Variants in RFX8 observed in about 807,000 individuals in gnomAD.
The protein encoded by RFX8 is regulatory factor X8.
RFX8 carries 46 observed loss-of-function variants against 54.6 expected under a neutral mutation model. The ratio of observed to expected loss-of-function variants is 0.84; its 90% CI spans 0.67 to 1.08. The LOEUF (loss-of-function observed/expected upper bound fraction) is 1.08, where lower values mean the gene tolerates loss of function less well. Ranked by LOEUF, RFX8 falls within the 50% of genes least tolerant of loss-of-function variation. RFX8 has a pLI of 0.00. For missense variants in RFX8, 536 were observed against 562.3 expected, an observed-to-expected ratio of 0.95 and a Z score of 0.47; for synonymous variants, 192 against 209.5, an observed-to-expected ratio of 0.92 and a Z score of 0.72.
chr2:101,399,583 A>G (rs1161694797), intron 11 of RFX8, among the ~76,000 whole-genome samples: 1 of 152,198 alleles, frequency 6.6e-6, no homozygotes, highest in Admixed American at 6.5e-5. Flanking sequence ...CAGTGTTAAG[A>G]GGAAGTGCTC....
chr2:101,410,688 C>T lies in RFX8; in HGVS notation c.744G>A (p.Leu248=). The T allele has an allele frequency of 6.5e-7, 1 of 1,542,176 alleles. No individual in the cohort carries two copies. ...ATACCCTGAGATCTGTTGATGTTCCCAGCAAAGAAATTAAGTTTCTTAAAC... is the reference window on the plus strand; with the variant it reads ...ATACCCTGAGATCTGTTGATGTTCCTAGCAAAGAAATTAAGTTTCTTAAAC... The part of the protein sequence containing the change: ...MKCLRNLISL[L]GTSTDLRVFL... The change falls in exon 9 of 12, where the codon CTG becomes CTA. Residue 248 remains leucine, a synonymous_variant. Transcript: ENST00000428343.
chr2:101,463,828 A>G (rs1373787137), intron 2 of RFX8, among the ~76,000 whole-genome samples: 1 of 152,192 alleles, frequency 6.6e-6, no homozygotes, highest in Non-Finnish European at 1.5e-5. Context: ...GAAGAAGCCC[A>G]GGCCTAGTTC....
In RFX8 at chr2:101,422,457, G is replaced by A; in HGVS notation, c.88C>T (p.Pro30Ser). The A allele has an allele frequency of 1.3e-6, 2 of 1,543,370 alleles. No individual in the cohort carries two copies. Among genetic ancestry groups the A allele is most frequent in the Non-Finnish European group, 1.8e-6 (2 of 1,139,450 alleles). Residue 30 changes from proline to serine, a missense_variant, in exon 3 of 12, where the codon CCG (proline) becomes TCG (serine). Coordinates refer to ENST00000428343, the MANE Select transcript of RFX8 (RefSeq NM_001145664.2). ...GATCCAACTGGGTCTGTCTTCATCGGTGAATGATCTTCACACTAAAAATCA... is the reference window on the plus strand; with the variant it reads ...GATCCAACTGGGTCTGTCTTCATCGATGAATGATCTTCACACTAAAAATCA... Reference protein sequence around the residue: ...ATFGKCEDHSPMKTDPVGSPL... With the variant: ...ATFGKCEDHSSMKTDPVGSPL...
In RFX8 at chr2:101,399,138, C is replaced by T. The variant is rs368672631; in HGVS notation, c.1246-1414G>A. Among the ~76,000 whole-genome samples, 14 of 152,266 alleles carry T rather than the reference C, an allele frequency of 9.2e-5. No homozygotes were observed. In the East Asian group the frequency reaches 1.5e-3, roughly 17 times the overall value. ...AGAGGGACAGATGGGTATGGCAATC[C>T]GGAATGCTGACTTCAGTTGTTACCG... On this transcript the variant is annotated intron_variant, in intron 11 of 11. Transcript: ENST00000428343.
At chr2:101,452,377 A>C in intron 2 of RFX8, 1 of 1,415,190 alleles carries the variant, frequency 7.1e-7, no homozygotes, top group Non-Finnish European at 9.3e-7. Context: ...CAAAAATTCT[A>C]AACCTACCTG....
rs111803376 is a variant in RFX8, at chr2:101,473,018, CA to C, written c.-53+1617del. On this transcript the variant is annotated intron_variant, in intron 1 of 11. Coordinates refer to ENST00000428343, the MANE Select transcript of RFX8 (RefSeq NM_001145664.2). ...TGGGCAACAGAGCAAGACTCTGTCACAAAAAAAAAAGAGAGAAAAGAAAGAA... is the reference window on the plus strand; with the variant it reads ...TGGGCAACAGAGCAAGACTCTGTCACAAAAAAAAAGAGAGAAAAGAAAGAA... Among the ~76,000 whole-genome samples, 13 of 142,990 alleles carry C rather than the reference CA, an allele frequency of 9.1e-5. 1 individual carries two copies. Among genetic ancestry groups the C allele is most frequent in the South Asian group, 4.4e-4 (2 of 4,512 alleles). The allele number at this position is 142,990 out of a possible 152,430, so 93.8% of individuals were successfully genotyped here. A position where few individuals can be genotyped will look rare whatever the true frequency, so the allele number is the denominator to read the frequency against.
chr2:101,420,958 T>A (rs1263890355), intron 4 of RFX8, among the ~76,000 whole-genome samples: 1 of 152,208 alleles, frequency 6.6e-6, no homozygotes, highest in African/African-American at 2.4e-5. Flanking sequence ...GAATTAAATA[T>A]GTATTTGATG....
At chr2:101,432,777 C>T (rs1687561578) in intron 2 of RFX8, among the ~76,000 whole-genome samples, 2 of 152,238 alleles carry the variant, frequency 1.3e-5, no homozygotes, top group Non-Finnish European at 2.9e-5. Flanking sequence ...GAAGGAAGGG[C>T]TTCCAGTCCA....
chr2:101,463,156 C>T (rs945852744), intron 2 of RFX8, among the ~76,000 whole-genome samples: 6 of 152,320 alleles, frequency 3.9e-5, no homozygotes, highest in East Asian at 3.9e-4. Flanking sequence ...AGATAACATG[C>T]CATAAAGTGA....
chr2:101,430,401 T>G (rs1687422709), intron 2 of RFX8, among the ~76,000 whole-genome samples: 1 of 152,238 alleles, frequency 6.6e-6, no homozygotes, highest in Non-Finnish European at 1.5e-5. Context: ...AAGGAGATAA[T>G]TAAGGTTAAA....
At chr2:101,411,035 C>A (rs1686094559) in intron 8 of RFX8, among the ~76,000 whole-genome samples, 1 of 152,246 alleles carries the variant, frequency 6.6e-6, no homozygotes, top group African/African-American at 2.4e-5. Context: ...ACGATACAGA[C>A]ATGACCTCAC....
chr2:101,469,308 A>G (rs904233496), intron 1 of RFX8, among the ~76,000 whole-genome samples: 7 of 115,848 alleles, frequency 6.0e-5, no homozygotes, highest in Non-Finnish European at 9.7e-5. Flanking sequence ...GCGTGTGACC[A>G]TGTCCAGATA....
chr2:101,432,551 C>T (rs532340471), intron 2 of RFX8, among the ~76,000 whole-genome samples: 10 of 152,298 alleles, frequency 6.6e-5, no homozygotes, highest in East Asian at 5.8e-4. Flanking sequence ...AGCGTGAGGC[C>T]GGAGCAGGCC....
At chr2:101,429,194 A>T (rs1423227903) in intron 2 of RFX8, among the ~76,000 whole-genome samples, 1 of 152,236 alleles carries the variant, frequency 6.6e-6, no homozygotes, top group Admixed American at 6.5e-5. Context: ...GGCTTTAAAA[A>T]ATTCATTTCT....
intron 2 of RFX8, among the ~76,000 whole-genome samples, chr2:101,466,197 C>T (rs887072135): frequency 2.0e-5 from 3 of 151,412 alleles, no homozygotes; most frequent in Non-Finnish European, 4.4e-5. Context: ...CACTCCTGGA[C>T]ATACAGATGC....
intron 2 of RFX8, chr2:101,452,300 T>C: frequency 1.4e-6 from 1 of 733,800 alleles, no homozygotes; most frequent in East Asian, 3.2e-5. Context: ...TAGTTTGTTT[T>C]GTTTTGCATT....
At chr2:101,459,241 G>C (rs905184662) in intron 2 of RFX8, among the ~76,000 whole-genome samples, 5 of 152,296 alleles carry the variant, frequency 3.3e-5, no homozygotes, top group African/African-American at 1.2e-4. Context: ...TCTCCGTCCA[G>C]TTTTGTTCCG....
rs150720548 is a variant in RFX8, at chr2:101,412,084, T to C, written c.718+831A>G. Among the ~76,000 whole-genome samples, 48 of 152,292 alleles carry C rather than the reference T, an allele frequency of 3.2e-4. No individual in the cohort carries two copies. The East Asian group carries it at 8.7e-3, about 28-fold the overall frequency. ...AGCTGAGAGTACTACCAAGGAGTTATGCCCATAGAGGGAGAGGCCATTCGA... is the reference window on the plus strand; with the variant it reads ...AGCTGAGAGTACTACCAAGGAGTTACGCCCATAGAGGGAGAGGCCATTCGA... On this transcript the variant is annotated intron_variant, in intron 8 of 11. Coordinates refer to ENST00000428343, the MANE Select transcript of RFX8 (RefSeq NM_001145664.2).
chr2:101,441,235 G>T (rs1228443004), intron 2 of RFX8, among the ~76,000 whole-genome samples: 1 of 152,228 alleles, frequency 6.6e-6, no homozygotes, highest in Middle Eastern at 3.2e-3. Flanking sequence ...CTCCCAAAGT[G>T]CTGGGATTAC....
Sources: allele counts gnomAD v4.1 joint callset (sites outside exome capture counted in the v4.1 genomes callset), GRCh38; gene constraint gnomAD v4.1.1; transcripts MANE v1.5; gene names NCBI Gene and HGNC (gene_info 2026-07-23, HGNC 2026-07-21).